The following ARPC2 variants were observed in gnomAD, a reference collection of about 807,000 sequenced individuals.
The protein encoded by ARPC2 is actin related protein 2/3 complex subunit 2.
ARPC2 carries 4 observed loss-of-function variants against 38.6 expected under a neutral mutation model. That is an observed-to-expected ratio of 0.10 (90% CI 0.05 to 0.24). The LOEUF (loss-of-function observed/expected upper bound fraction) is 0.24. ARPC2 is among the 10% of genes least tolerant of loss of function. ARPC2 has a pLI of 1.00. For synonymous variants in ARPC2, 125 were observed against 140.8 expected (o/e 0.89, Z 0.79); for missense variants, 229 against 387.3 (o/e 0.59, Z 3.43).
intron 2 of ARPC2, among the ~76,000 whole-genome samples, chr2:218,218,487 TATA>T (rs1213010759): frequency 1.3e-5 from 2 of 152,262 alleles, no homozygotes; most frequent in Non-Finnish European, 2.9e-5. Flanking sequence ...GCTTTTCTAG[TATA>T]ATATTTAAAA....
At chr2:218,238,348 G>C (rs1689822158) in intron 5 of ARPC2, among the ~76,000 whole-genome samples, 1 of 152,014 alleles carries the variant, frequency 6.6e-6, no homozygotes, top group Admixed American at 6.6e-5. Flanking sequence ...TTACATATTT[G>C]TAATTAGTCA....
intron 10 of ARPC2, among the ~76,000 whole-genome samples, chr2:218,252,598 C>CT (rs1249352162): frequency 3.3e-5 from 5 of 152,206 alleles, no homozygotes; most frequent in Admixed American, 3.3e-4. Context: ...AAGAGGTAAA[C>CT]TGGCAGCCAG....
rs199635119 is a variant in ARPC2 at position 218,239,386 on chromosome 2, C to T, written c.456-5C>T. The T allele has an allele frequency of 2.9e-5, 47 of 1,609,230 alleles. No individual in the cohort carries two copies. Among genetic ancestry groups the T allele is most frequent in the Non-Finnish European group, 1.2e-5 (14 of 1,175,618 alleles). ...ACTTATCCTCATGGATTTTGTTCCT[C>T]TCAGGTATGTTGAGTCTAAAAAGGA... On this transcript the variant is annotated splice_polypyrimidine_tract_variant and splice_region_variant and intron_variant, in intron 6 of 10. Transcript: ENST00000315717.
intron 5 of ARPC2, 31 bp downstream of exon 5, chr2:218,234,428 A>G: frequency 6.5e-7 from 1 of 1,539,506 alleles, no homozygotes; most frequent in Non-Finnish European, 8.9e-7. Context: ...CTATGGAATG[A>G]CATGGGAAGA....
chr2:218,247,734 G>A (rs1443079674), intron 8 of ARPC2, among the ~76,000 whole-genome samples: 1 of 152,086 alleles, frequency 6.6e-6, no homozygotes, highest in Non-Finnish European at 1.5e-5. Context: ...ACGATGTCAG[G>A]AGATCGAGAC....
intron 10 of ARPC2, among the ~76,000 whole-genome samples, chr2:218,252,732 G>T (rs562671127): frequency 6.6e-6 from 1 of 152,206 alleles, no homozygotes; most frequent in East Asian, 1.9e-4. Flanking sequence ...GCATCCAGGA[G>T]GAAGGCCTGT....
chr2:218,225,939 G>C lies in ARPC2; in HGVS notation c.94G>C (p.Glu32Gln). The C allele has an allele frequency of 1.2e-6, 2 of 1,613,770 alleles. No individual in the cohort carries two copies. Among genetic ancestry groups the C allele is most frequent in the Non-Finnish European group, 1.7e-6 (2 of 1,179,736 alleles). Residue 32 changes from glutamate to glutamine, a missense_variant, in exon 3 of 11, where the codon GAA becomes CAA. Physicochemically the swap from Glu to Gln is conservative, Grantham distance 29. Coordinates refer to ENST00000315717, the MANE Select transcript of ARPC2 (RefSeq NM_152862.3). ...TTACAGAAACAAACCGGAAGCAGTA[G>C]AAGTAACATTTGCAGGTAAGCATCT... The part of the protein sequence containing the change: ...AAAGNKPEAV[E>Q]VTFADFDGVL...
At chr2:218,246,058 CA>C (rs1478837692) in intron 8 of ARPC2, among the ~76,000 whole-genome samples, 9 of 150,564 alleles carry the variant, frequency 6.0e-5, no homozygotes, top group South Asian at 2.1e-4. Context: ...TACTAAAATA[CA>C]AAAAAAAATT....
At chr2:218,218,517 T>G (rs1051740236) in intron 2 of ARPC2, among the ~76,000 whole-genome samples, 1 of 152,268 alleles carries the variant, frequency 6.6e-6, no homozygotes, top group African/African-American at 2.4e-5. Context: ...CTAAGGATTT[T>G]GGGTTCTAAT....
At chr2:218,219,113 G>A (rs1310794495) in intron 2 of ARPC2, among the ~76,000 whole-genome samples, 1 of 152,112 alleles carries the variant, frequency 6.6e-6, no homozygotes, top group African/African-American at 2.4e-5. Flanking sequence ...AGACCTGGGC[G>A]GTTATAAGCT....
At chr2:218,224,451 A>T (rs142353814) in intron 2 of ARPC2, among the ~76,000 whole-genome samples, 2 of 152,286 alleles carry the variant, frequency 1.3e-5, no homozygotes, top group African/African-American at 4.8e-5. Context: ...TCATCCTCTT[A>T]ATATTTCATT....
chr2:218,234,201 C>T (rs1476351443), intron 4 of ARPC2, 151 bp from the exon 5 acceptor site: 2 of 570,680 alleles, frequency 3.5e-6, no homozygotes, highest in East Asian at 6.1e-5. Flanking sequence ...AAATCCACTT[C>T]CCCTCTGTCT....
At chr2:218,228,296 G>A (rs527546555) in intron 3 of ARPC2, among the ~76,000 whole-genome samples, 17 of 152,048 alleles carry the variant, frequency 1.1e-4, no homozygotes, top group African/African-American at 3.4e-4. Context: ...CCAGCTACTC[G>A]GGAGGCTGAG....
intron 5 of ARPC2, among the ~76,000 whole-genome samples, chr2:218,238,115 G>T (rs867206990): frequency 3.5e-4 from 53 of 152,120 alleles, no homozygotes; most frequent in Middle Eastern, 3.2e-3. Context: ...CTATTGGGGA[G>T]GTATATGTAT....
intron 4 of ARPC2, among the ~76,000 whole-genome samples, chr2:218,230,930 C>T (rs1354290030): frequency 6.6e-6 from 1 of 152,190 alleles, no homozygotes; most frequent in Non-Finnish European, 1.5e-5. Flanking sequence ...AATCTCCTTT[C>T]CATTCTGTGC....
At chr2:218,234,915 A>G (rs1689732495) in intron 5 of ARPC2, 2 of 456,414 alleles carry the variant, frequency 4.4e-6, no homozygotes, top group South Asian at 1.6e-5. Flanking sequence ...ATCCTTGAAT[A>G]GAACAGCTAT....
intron 2 of ARPC2, among the ~76,000 whole-genome samples, chr2:218,224,558 C>T (rs1400139721): frequency 2.0e-5 from 3 of 152,170 alleles, no homozygotes; most frequent in Non-Finnish European, 4.4e-5. Context: ...TGTTTCCTGG[C>T]TACAGTTTCA....
chr2:218,228,562 C>G (rs181730559), intron 3 of ARPC2, among the ~76,000 whole-genome samples, 176 bp from the exon 4 acceptor site: 1 of 152,286 alleles, frequency 6.6e-6, no homozygotes, highest in African/African-American at 2.4e-5. Flanking sequence ...AACAAGTGCT[C>G]AGCAATTCTA....
At chr2:218,244,926 A>G (rs1268544302) in intron 7 of ARPC2, among the ~76,000 whole-genome samples, 2 of 152,242 alleles carry the variant, frequency 1.3e-5, no homozygotes, top group African/African-American at 2.4e-5. Context: ...TATGGACTGT[A>G]GAAGCTTCAG....
Sources: gnomAD v4.1 joint callset for allele counts (sites outside exome capture counted in the v4.1 genomes callset) on GRCh38, gnomAD v4.1.1 for gene constraint, MANE v1.5 for transcripts, NCBI Gene and HGNC (gene_info 2026-07-23, HGNC 2026-07-21) for gene names.